SEL1L2: variants seen among roughly 807,000 people sequenced by gnomAD.
The protein encoded by SEL1L2 is SEL1L2 adaptor subunit of SYVN1 ubiquitin ligase.
A neutral mutation model predicts 98.8 loss-of-function variants in SEL1L2; 89 were observed. The observed-to-expected ratio is 0.90, with a 90% CI of 0.76 to 1.07. SEL1L2 has a LOEUF of 1.07. SEL1L2 is among the 50% of genes least tolerant of loss of function. The probability of loss-of-function intolerance (pLI) is 0.00; values close to 1 mark genes in which losing one functional copy is unlikely to be tolerated. For synonymous variants in SEL1L2, 262 were observed against 278.5 expected (o/e 0.94, Z 0.59); for missense variants, 788 against 812.0 (o/e 0.97, Z 0.36).
At chr20:13,991,330 T>C (rs1445431755), upstream of SEL1L2, among the ~76,000 whole-genome samples, 4 of 152,240 alleles carry the variant, frequency 2.6e-5, no homozygotes, top group African/African-American at 4.8e-5. Flanking sequence ...TACAGTTTTA[T>C]TCCTTTTATT....
chr20:13,877,498 T>C (rs747144605), intron 11 of SEL1L2, 22 bp downstream of exon 11: 1 of 1,574,844 alleles, frequency 6.3e-7, no homozygotes, highest in South Asian at 1.1e-5. Context: ...ATGAAAACAA[T>C]GAATCAAGAT....
chr20:13,913,400 T>C, intron 5 of SEL1L2: 1 of 155,682 alleles, frequency 6.4e-6, no homozygotes, highest in Non-Finnish European at 1.4e-5. Flanking sequence ...TTTTTTCCCC[T>C]GTTTTCCAGA....
chr20:13,936,868 A>T (rs1402029593), intron 2 of SEL1L2, among the ~76,000 whole-genome samples: 1 of 152,218 alleles, frequency 6.6e-6, no homozygotes, highest in African/African-American at 2.4e-5. Context: ...CCCTTTGAAC[A>T]TATTATTGCC....
intron 1 of SEL1L2, among the ~76,000 whole-genome samples, chr20:13,970,064 C>A (rs35489482): frequency 0.023 from 3,503 of 151,286 alleles, 53 homozygotes; most frequent in Non-Finnish European, 0.038. Context: ...TAGCACCCTG[C>A]ACAGTTTCTT....
intron 1 of SEL1L2, among the ~76,000 whole-genome samples, chr20:13,972,047 G>A (rs987993004): frequency 6.6e-6 from 1 of 152,040 alleles, no homozygotes; most frequent in Non-Finnish European, 1.5e-5. Context: ...TTCTCTGTGT[G>A]TGTGAGGACA....
At chr20:13,875,902 A>G (rs77845234) in intron 12 of SEL1L2, 136 bp downstream of exon 12, 7,696 of 704,504 alleles carry the variant, frequency 0.011, 283 homozygotes, top group East Asian at 0.088. Context: ...CCAGTATTAT[A>G]CTTCTCCAGG....
chr20:13,873,110 C>A (rs73612320), intron 12 of SEL1L2, among the ~76,000 whole-genome samples: 14 of 151,514 alleles, frequency 9.2e-5, no homozygotes, highest in Non-Finnish European at 1.9e-4. Flanking sequence ...CATGCCTCAG[C>A]CTCCCAAGTA....
intron 2 of SEL1L2, among the ~76,000 whole-genome samples, chr20:13,938,774 G>A (rs1250831396): frequency 6.6e-6 from 1 of 152,032 alleles, no homozygotes; most frequent in Non-Finnish European, 1.5e-5. Context: ...AGGATCAAAC[G>A]AGTTAATACA....
chr20:13,896,133 C>T (rs1302591478), intron 5 of SEL1L2, among the ~76,000 whole-genome samples: 2 of 152,136 alleles, frequency 1.3e-5, no homozygotes, highest in Non-Finnish European at 2.9e-5. Context: ...TGAGATCGTG[C>T]CACGGCACTC....
chr20:13,858,354 A>T (rs1324288208), intron 18 of SEL1L2, among the ~76,000 whole-genome samples: 1 of 152,112 alleles, frequency 6.6e-6, no homozygotes, highest in African/African-American at 2.4e-5. Flanking sequence ...AGAATGACTC[A>T]CTGCGAGGCC....
At chr20:13,986,356 A>C (rs1171865951) in intron 1 of SEL1L2, among the ~76,000 whole-genome samples, 1 of 152,142 alleles carries the variant, frequency 6.6e-6, no homozygotes, top group Non-Finnish European at 1.5e-5. Flanking sequence ...TCAAAACTTC[A>C]TCATCCCGGA....
At chr20:13,993,680 T>G (rs941538863), upstream of SEL1L2, among the ~76,000 whole-genome samples, 2 of 152,192 alleles carry the variant, frequency 1.3e-5, no homozygotes, top group African/African-American at 4.8e-5. Context: ...TCTAGTATGA[T>G]GTACTTGTCT....
At chr20:13,855,037 G>C (rs1238004306) in intron 18 of SEL1L2, among the ~76,000 whole-genome samples, 1 of 133,878 alleles carries the variant, frequency 7.5e-6, no homozygotes, top group Admixed American at 8.0e-5. Flanking sequence ...GTGACAGAGC[G>C]AGACTCCGTC....
intron 1 of SEL1L2, among the ~76,000 whole-genome samples, chr20:13,989,900 A>G (rs1179652374): frequency 1.3e-5 from 2 of 152,168 alleles, no homozygotes; most frequent in East Asian, 3.9e-4. Context: ...CAGGGACCAA[A>G]TACATATTTC....
At chr20:13,860,069 T>C (rs1382114660) in intron 17 of SEL1L2, among the ~76,000 whole-genome samples, 1 of 152,222 alleles carries the variant, frequency 6.6e-6, no homozygotes, top group Non-Finnish European at 1.5e-5. Flanking sequence ...GATTAACTCT[T>C]GGGAAGTTGG....
intron 1 of SEL1L2, among the ~76,000 whole-genome samples, chr20:13,967,520 G>T (rs774590485): frequency 6.6e-6 from 1 of 152,084 alleles, no homozygotes; most frequent in Admixed American, 6.5e-5. Flanking sequence ...CTTCTGCCTG[G>T]TCCCAGCTCA....
intron 1 of SEL1L2, among the ~76,000 whole-genome samples, chr20:13,985,888 T>C (rs1299966024): frequency 6.6e-6 from 1 of 152,240 alleles, no homozygotes; most frequent in African/African-American, 2.4e-5. Flanking sequence ...GGACATTTCA[T>C]ACCTAGGAAG....
intron 1 of SEL1L2, among the ~76,000 whole-genome samples, chr20:13,986,819 T>C (rs748982884): frequency 2.0e-5 from 3 of 152,198 alleles, no homozygotes; most frequent in Non-Finnish European, 4.4e-5. Context: ...GCAAAAGTAA[T>C]TGTGGTTTTC....
chr20:13,964,538 C>T (rs1024615487), intron 1 of SEL1L2, among the ~76,000 whole-genome samples: 4 of 150,690 alleles, frequency 2.7e-5, no homozygotes, highest in Admixed American at 6.6e-5. Flanking sequence ...CCGCAACCTC[C>T]GCCTCCCTGG....
Sources: gnomAD v4.1 joint callset for allele counts (sites outside exome capture counted in the v4.1 genomes callset) on GRCh38, gnomAD v4.1.1 for gene constraint, MANE v1.5 for transcripts, NCBI Gene and HGNC (gene_info 2026-07-23, HGNC 2026-07-21) for gene names.